Variants in ROBO2 observed in about 807,000 individuals in gnomAD.
ROBO2 encodes roundabout homolog 2.
In ROBO2, 53 loss-of-function variants were observed where a neutral mutation model predicts 160.8. The ratio of observed to expected loss-of-function variants is 0.33; its 90% CI spans 0.26 to 0.41. ROBO2 has a LOEUF of 0.41. Ranked by LOEUF, ROBO2 falls within the 10% of genes least tolerant of loss-of-function variation. The probability of loss-of-function intolerance (pLI) is 1.00; values close to 1 mark genes in which losing one functional copy is unlikely to be tolerated. For synonymous variants in ROBO2, 664 were observed against 611.7 expected, an observed-to-expected ratio of 1.09 and a Z score of -1.26; for missense variants, 1,577 against 1,722.4, an observed-to-expected ratio of 0.92 and a Z score of 1.49.
At chr3:76,127,575 C>A (rs1406011722) in intron 2 of ROBO2, among the ~76,000 whole-genome samples, 1 of 145,104 alleles carries the variant, frequency 6.9e-6, no homozygotes, top group Non-Finnish European at 1.5e-5. Flanking sequence ...TAGCTGTGTG[C>A]TTTCTCTATA....
Position 76,675,230 on chromosome 3 carries a change from C to G in ROBO2, c.110-422784C>G, listed in dbSNP as rs573102791. 6.6e-5 allele frequency among the ~76,000 whole-genome samples: 10 copies of G among 152,072 alleles called. 1 individual carries two copies. Among genetic ancestry groups the G allele is most frequent in the Non-Finnish European group, 1.5e-4 (10 of 68,038 alleles). On this transcript the variant is annotated intron_variant, in intron 2 of 26. Coordinates refer to the ROBO2 transcript ENST00000487694. ...CAGGGGACAATTTTCCTGAAGGATA[C>G]GAGGAATTAGTAAAACCCCTTCCAC...
intron 2 of ROBO2, among the ~76,000 whole-genome samples, chr3:76,808,806 C>T (rs573770513): frequency 6.6e-6 from 1 of 151,914 alleles, no homozygotes; most frequent in East Asian, 1.9e-4. Flanking sequence ...GCACAAATAG[C>T]CAAGTATAGT....
intron 2 of ROBO2, among the ~76,000 whole-genome samples, chr3:76,042,830 T>A (rs568329801): frequency 6.6e-6 from 1 of 152,198 alleles, no homozygotes; most frequent in East Asian, 1.9e-4. Flanking sequence ...GCAGCCCCTG[T>A]CACATACCCC....
upstream of ROBO2, chr3:77,039,752 G>C (rs1038037436): frequency 6.9e-6 from 1 of 145,602 alleles, no homozygotes; most frequent in African/African-American, 2.6e-5. Context: ...GCCCCTCCCC[G>C]GGCCGACTCC....
intron 2 of ROBO2, among the ~76,000 whole-genome samples, chr3:77,266,142 AT>A (rs1346837743): frequency 2.6e-5 from 4 of 151,586 alleles, no homozygotes; most frequent in Non-Finnish European, 4.4e-5. Flanking sequence ...TAGGCACAGG[AT>A]TTTTTTTAAA....
chr3:76,452,637 G>A (rs931742538), intron 2 of ROBO2, among the ~76,000 whole-genome samples: 62 of 152,170 alleles, frequency 4.1e-4, no homozygotes, highest in Non-Finnish European at 5.0e-4. Context: ...ATATACATAC[G>A]TGTGCCTGTG....
chr3:77,420,282 A>T (rs149459804), intron 2 of ROBO2, among the ~76,000 whole-genome samples: 1 of 151,950 alleles, frequency 6.6e-6, no homozygotes, highest in East Asian at 1.9e-4. Context: ...TCAAATAAAT[A>T]TGTTTGGAAA....
chr3:76,575,821 A>T (rs2085251368), intron 2 of ROBO2, among the ~76,000 whole-genome samples: 1 of 152,116 alleles, frequency 6.6e-6, no homozygotes, highest in Non-Finnish European at 1.5e-5. Flanking sequence ...TAAAAGAGCT[A>T]AAGAAATTTA....
chr3:77,514,373 A>G (rs1481093650), intron 5 of ROBO2, among the ~76,000 whole-genome samples: 1 of 151,858 alleles, frequency 6.6e-6, no homozygotes, highest in Non-Finnish European at 1.5e-5. Context: ...GAGAAAAAAT[A>G]TTGATAAAGT....
intron 2 of ROBO2, among the ~76,000 whole-genome samples, chr3:76,796,310 A>C (rs1308618560): frequency 6.6e-6 from 1 of 152,004 alleles, no homozygotes; most frequent in Non-Finnish European, 1.5e-5. Context: ...AGCCACTTTC[A>C]TCAATGTTCT....
chr3:77,001,036 C>T lies in ROBO2; in HGVS notation c.110-96978C>T, dbSNP rs114089341. Among the ~76,000 whole-genome samples the T allele has an allele frequency of 4.9e-3, 747 of 152,218 alleles. 8 individuals are homozygous for T. The highest frequency in any genetic ancestry group is 0.018 in the African/African-American group (732 of 41,542). On this transcript the variant is annotated intron_variant, in intron 2 of 26. Transcript: ENST00000487694. ...AAGTTTACCCAACAGCCATCATTTG[C>T]GTGCCTGCTAAATTTCTAGATACAA...
At chr3:76,256,043 A>G (rs914195370) in intron 2 of ROBO2, among the ~76,000 whole-genome samples, 2 of 152,118 alleles carry the variant, frequency 1.3e-5, no homozygotes, top group Non-Finnish European at 2.9e-5. Flanking sequence ...TCACGCCTGT[A>G]ACCCCAGCAC....
chr3:77,384,307 T>G (rs959281176), intron 2 of ROBO2, among the ~76,000 whole-genome samples: 10 of 152,162 alleles, frequency 6.6e-5, no homozygotes, highest in African/African-American at 2.4e-4. Flanking sequence ...CAATGACTGA[T>G]GTACACTGGC....
intron 2 of ROBO2, among the ~76,000 whole-genome samples, chr3:76,328,510 A>G (rs1180880305): frequency 2.0e-5 from 3 of 152,178 alleles, no homozygotes; most frequent in Non-Finnish European, 4.4e-5. Context: ...GCAGATGACA[A>G]GATCAGGAGA....
chr3:76,934,450 A>C (rs923010681), intron 2 of ROBO2, among the ~76,000 whole-genome samples: 9 of 152,306 alleles, frequency 5.9e-5, no homozygotes, highest in African/African-American at 1.9e-4. Context: ...AATTAAAGAA[A>C]AAAAAACTTT....
intron 2 of ROBO2, among the ~76,000 whole-genome samples, chr3:77,262,052 C>T (rs999078148): frequency 2.6e-5 from 4 of 152,158 alleles, no homozygotes; most frequent in African/African-American, 9.7e-5. Context: ...TTGCCCGCCT[C>T]ATAATTTTTG....
intron 2 of ROBO2, among the ~76,000 whole-genome samples, chr3:76,114,624 A>G (rs990774930): frequency 1.2e-4 from 19 of 152,068 alleles, no homozygotes; most frequent in African/African-American, 4.6e-4. Context: ...AATGTTCCCA[A>G]TATCACCCAC....
intron 1 of ROBO2, 144 bp downstream of exon 1, chr3:77,040,990 G>A (rs1191724252): frequency 5.1e-5 from 52 of 1,009,766 alleles, no homozygotes; most frequent in Admixed American, 6.8e-5. Flanking sequence ...GCTCCTTGGG[G>A]GCAGAGGTTT....
intron 2 of ROBO2, among the ~76,000 whole-genome samples, chr3:76,001,328 T>A (rs1387335131): frequency 6.6e-6 from 1 of 152,206 alleles, no homozygotes; most frequent in African/African-American, 2.4e-5. Context: ...AGCTAAATAG[T>A]CATTATCCTT....
Sources: allele counts gnomAD v4.1 joint callset (sites outside exome capture counted in the v4.1 genomes callset), GRCh38; gene constraint gnomAD v4.1.1; transcripts MANE v1.5; gene names NCBI Gene and HGNC (gene_info 2026-07-23, HGNC 2026-07-21).